PRMT5: variants seen among roughly 807,000 people sequenced by gnomAD.
The protein encoded by PRMT5 is protein arginine methyltransferase 5.
A neutral mutation model predicts 84.0 loss-of-function variants in PRMT5; 15 were observed. The observed-to-expected ratio is 0.18, with a 90% CI of 0.12 to 0.28. PRMT5 has a LOEUF of 0.28. Ranked by LOEUF, PRMT5 falls within the 10% of genes least tolerant of loss-of-function variation. The pLI is 1.00. For synonymous variants in PRMT5, 276 were observed against 292.4 expected (o/e 0.94, Z 0.57); for missense variants, 486 against 808.0 (o/e 0.60, Z 4.83).
intron 16 of PRMT5, among the ~76,000 whole-genome samples, chr14:22,921,475 T>G (rs1208531844): frequency 6.6e-6 from 1 of 152,180 alleles, no homozygotes; most frequent in Non-Finnish European, 1.5e-5. Flanking sequence ...AAGGGGACAG[T>G]AGCTGCAAAG....
chr14:22,921,664 C>A (rs1199020065), intron 16 of PRMT5, among the ~76,000 whole-genome samples: 1 of 152,038 alleles, frequency 6.6e-6, no homozygotes, highest in East Asian at 1.9e-4. Flanking sequence ...GTGGGCGGAT[C>A]ATGAGGTCAG....
chr14:22,925,544 G>T (rs2044400736), intron 7 of PRMT5, among the ~76,000 whole-genome samples: 1 of 152,140 alleles, frequency 6.6e-6, no homozygotes, highest in African/African-American at 2.4e-5. Flanking sequence ...CCTTGGCCGG[G>T]CGTGGTGGCC....
chr14:22,924,730 C>A lies in PRMT5; in HGVS notation c.940-21G>T, dbSNP rs768178744. On this transcript the variant is annotated intron_variant, in intron 8 of 16. Transcript: ENST00000324366. The surrounding 1 kb of genome is among the most constrained non-coding windows in gnomAD (Gnocchi z 6.5). Reference sequence around the variant, plus strand: ...AGTGGCTGATGAATGAGGAAAAGGACAAAGTTAGCCAGTTTCTGGCAAAGG... The same window carrying A: ...AGTGGCTGATGAATGAGGAAAAGGAAAAAGTTAGCCAGTTTCTGGCAAAGG... 11 of 1,610,202 alleles carry A rather than the reference C, an allele frequency of 6.8e-6. No homozygotes were observed. Among genetic ancestry groups the A allele is most frequent in the South Asian group, 1.1e-5 (1 of 90,686 alleles).
chr14:22,924,015 G>A lies in PRMT5; in HGVS notation c.1368C>T (p.Phe456=). The change falls in exon 12 of 17, where the codon TTC becomes TTT. Residue 456 remains phenylalanine, a synonymous_variant. Coordinates refer to ENST00000324366, the MANE Select transcript of PRMT5 (RefSeq NM_006109.5). The surrounding 1 kb of genome is among the most constrained non-coding windows in gnomAD (Gnocchi z 6.5). ...SPECLDGAQH[F]LKDDGVSIPG... is the part of the protein sequence containing the mutation. Reference sequence around the variant, plus strand: ...ACCCCAACCTGGGGGCACCTTTTAGGAAGTGCTGGGCTCCATCCAGGCACT... The same window carrying A: ...ACCCCAACCTGGGGGCACCTTTTAGAAAGTGCTGGGCTCCATCCAGGCACT... The A allele has an allele frequency of 1.3e-6, 2 of 1,547,462 alleles. No homozygotes were observed. Among genetic ancestry groups the A allele is most frequent in the Non-Finnish European group, 1.7e-6 (2 of 1,149,642 alleles).
At chr14:22,921,096 G>A in intron 16 of PRMT5, 40 bp from the exon 17 acceptor site, 5 of 1,609,670 alleles carry the variant, frequency 3.1e-6, no homozygotes, top group Non-Finnish European at 4.2e-6. Flanking sequence ...GTGAAGCTAT[G>A]AATTATACAT....
chr14:22,925,357 A>G (rs1271758866), intron 7 of PRMT5, among the ~76,000 whole-genome samples: 1 of 151,534 alleles, frequency 6.6e-6, no homozygotes, highest in Non-Finnish European at 1.5e-5. Context: ...GGGTTTCACC[A>G]TGTTGGACAG....
chr14:22,924,848 C>T lies in PRMT5; in HGVS notation c.939+31G>A, dbSNP rs2044382357. 6.2e-7 allele frequency: 1 copy of T among 1,605,434 alleles called. No homozygotes were observed. Among genetic ancestry groups the T allele is most frequent in the Non-Finnish European group, 8.5e-7 (1 of 1,174,484 alleles). On this transcript the variant is annotated intron_variant, in intron 8 of 16. Coordinates refer to ENST00000324366, the MANE Select transcript of PRMT5 (RefSeq NM_006109.5). This position sits in a 1 kb window ranked among gnomAD's most constrained non-coding sequence, Gnocchi z 6.5. ...TTCTCAAGAAACATTTTCCATCCCA[C>T]CTTCCTCCTCTAAGTGCACTCCAGA...
chr14:22,927,390 T>TCACC (rs1422732443), intron 4 of PRMT5, 136 bp downstream of exon 4: 1 of 1,220,144 alleles, frequency 8.2e-7, no homozygotes, highest in Non-Finnish European at 1.2e-6. Context: ...ATTACAGGCA[T>TCACC]CACCCACTGT....
At position 22,927,561 on chromosome 14, in the gene PRMT5, T is replaced by G. The variant is rs1594520952; in HGVS notation, c.415A>C (p.Thr139Pro). The G allele has an allele frequency of 6.2e-7, 1 of 1,614,044 alleles. No individual in the cohort carries two copies. The highest frequency in any genetic ancestry group is 8.5e-7 in the Non-Finnish European group (1 of 1,180,002). The change falls in exon 4 of 17, where the codon ACC (threonine) becomes CCC (proline). Residue 139 changes from threonine to proline, a missense_variant. Physicochemically the swap from Thr to Pro is conservative, Grantham distance 38. Around this residue, in one of 4 missense-constraint regions of PRMT5, gnomAD observed 215 missense variants for 301.1 expected, o/e 0.71. Transcript: ENST00000324366. Reference protein sequence around the residue: ...EDNTNLARVLTNHIHTGHHSS... With the variant: ...EDNTNLARVLPNHIHTGHHSS... ...TGATGGCCAGTGTGGATGTGGTTGGTCAAAACTCTGGCCAGGTTGGTGTTA... is the reference window on the plus strand; with the variant it reads ...TGATGGCCAGTGTGGATGTGGTTGGGCAAAACTCTGGCCAGGTTGGTGTTA...
chr14:22,926,066 G>T, intron 7 of PRMT5, 67 bp downstream of exon 7: 7 of 1,426,136 alleles, frequency 4.9e-6, no homozygotes, highest in South Asian at 2.7e-5. Flanking sequence ...AGGAAAAAAC[G>T]ATCATACACA....
chr14:22,922,858 G>A (rs1250747577), intron 13 of PRMT5, 23 bp from the exon 14 acceptor site: 2 of 1,605,678 alleles, frequency 1.2e-6, no homozygotes, highest in Non-Finnish European at 1.7e-6. Context: ...GAAAGAGAGA[G>A]AGAGTGTTGG....
In PRMT5 at chr14:22,928,579, A is replaced by G. The variant is rs759100540; in HGVS notation, c.147T>C (p.Arg49=). ...DFLCMPVFHP[R]FKREFIQEPA... ...GTTCCTGAATGAACTCCCTCTTGAA[A>G]CGCGGATGGAAGACAGGCATGCAGA... The change falls in exon 2 of 17, where the codon CGT becomes CGC. Residue 49 remains arginine (R), a synonymous_variant. Transcript: ENST00000324366. The surrounding 1 kb of genome is among the most constrained non-coding windows in gnomAD (Gnocchi z 4.8). The G allele has an allele frequency of 6.2e-7, 1 of 1,614,086 alleles. No homozygotes were observed. Among genetic ancestry groups the G allele is most frequent in the Non-Finnish European group, 8.5e-7 (1 of 1,179,968 alleles).
Position 22,924,319 on chromosome 14 carries a change from G to C in PRMT5, c.1150C>G (p.Arg384Gly). 6.2e-7 allele frequency: 1 copy of C among 1,614,122 alleles called. No homozygotes were observed. The highest frequency in any genetic ancestry group is 8.5e-7 in the Non-Finnish European group (1 of 1,180,026). The change falls in exon 11 of 17, where the codon CGG (arginine) becomes GGG (glycine). Residue 384 changes from arginine to glycine, a missense_variant. Around this residue, in one of 4 missense-constraint regions of PRMT5, gnomAD observed 219 missense variants for 433.6 expected, o/e 0.51. Coordinates refer to ENST00000324366, the MANE Select transcript of PRMT5 (RefSeq NM_006109.5). This position sits in a 1 kb window ranked among gnomAD's most constrained non-coding sequence, Gnocchi z 6.5. ...TCCACAGCATACAGCTTTATCCGCC[G>C]GTCGGCCTGCTTGGCTGCCCGCAGG... ...ASLRAAKQAD[R>G]RIKLYAVEKN...
At chr14:22,921,269 C>T (rs1031705453) in intron 16 of PRMT5, 2 of 597,656 alleles carry the variant, frequency 3.3e-6, no homozygotes, top group Non-Finnish European at 5.8e-6. Context: ...AAAGGGAACA[C>T]TAACCTAGTC....
rs1594505013 is a variant in PRMT5, at chr14:22,920,783, AT to A, written c.*120del. The A allele has an allele frequency of 6.4e-6, 9 of 1,404,560 alleles. No individual in the cohort carries two copies. In the East Asian group the frequency reaches 2.1e-4, roughly 32 times the overall value. The allele number at this position is 1,404,560 out of a possible 1,614,324, so 87.0% of individuals were successfully genotyped here. On this transcript the variant is annotated 3_prime_UTR_variant, in exon 17 of 17. Coordinates refer to ENST00000324366, the MANE Select transcript of PRMT5 (RefSeq NM_006109.5). Reference sequence around the variant, plus strand: ...ACCTTGATGTAAGGCAGGAAAGCAGATTGAAATGCTCCTCTCTGATGGGCAA... The same window carrying A: ...ACCTTGATGTAAGGCAGGAAAGCAGATGAAATGCTCCTCTCTGATGGGCAA...
Position 22,929,347 on chromosome 14 carries a change from C to T in PRMT5, c.15G>A (p.Ala5=), listed in dbSNP as rs775577695. The change falls in exon 1 of 17, where the codon GCG becomes GCA. Residue 5 remains alanine (A), a synonymous_variant. Coordinates refer to ENST00000324366, the MANE Select transcript of PRMT5 (RefSeq NM_006109.5). The stretch of plus-strand genomic sequence containing the variant: ...CGCGGCTCCCACCAGCACCCCCGAC[C>T]GCCATCGCCGCCATCTTTCTCCTCG... MAAM[A]VGGAGGSRVS... 35 of 1,608,314 alleles carry T rather than the reference C, an allele frequency of 2.2e-5. No homozygotes were observed. In the Admixed American group the frequency reaches 5.7e-4, roughly 26 times the overall value.
chr14:22,926,639 G>T, intron 5 of PRMT5, 63 bp downstream of exon 5: 1 of 1,599,706 alleles, frequency 6.3e-7, no homozygotes, highest in Non-Finnish European at 8.6e-7. Flanking sequence ...CCTACAGGTT[G>T]CACCCTGTAC....
chr14:22,927,460 C>T (rs2044447694), intron 4 of PRMT5, 66 bp downstream of exon 4: 1 of 1,595,006 alleles, frequency 6.3e-7, no homozygotes, highest in East Asian at 2.2e-5. Context: ...TGGCTAGGCA[C>T]AAGAAGGTAC....
chr14:22,927,409 A>G (rs571042277), intron 4 of PRMT5, 117 bp downstream of exon 4: 102 of 1,430,074 alleles, frequency 7.1e-5, no homozygotes, highest in Non-Finnish European at 8.7e-5. Context: ...GTGCCCGCCA[A>G]TACTGATACT....
Sources: gnomAD v4.1 joint callset for allele counts (sites outside exome capture counted in the v4.1 genomes callset) on GRCh38, gnomAD v4.1.1 for gene constraint, gnomAD v4.1.1 regional missense constraint, Gnocchi (gnomAD v3.1) non-coding constraint, MANE v1.5 for transcripts, NCBI Gene and HGNC (gene_info 2026-07-23, HGNC 2026-07-21) for gene names.